Variants in HSD17B13 observed in about 807,000 individuals in gnomAD.
HSD17B13 encodes the protein hydroxysteroid 17-beta dehydrogenase 13.
HSD17B13 carries 26 observed loss-of-function variants against 31.1 expected under a neutral mutation model. That is an observed-to-expected ratio of 0.84 (90% CI 0.61 to 1.16). The LOEUF (loss-of-function observed/expected upper bound fraction) is 1.16, where lower values mean the gene tolerates loss of function less well. Among genes scored for constraint, HSD17B13 ranks in the 50% most tolerant of loss-of-function variants. HSD17B13 has a pLI of 0.00. For missense variants in HSD17B13, 374 were observed against 366.5 expected, an observed-to-expected ratio of 1.02 and a Z score of -0.17; for synonymous variants, 141 against 133.7, an observed-to-expected ratio of 1.05 and a Z score of -0.38.
intron 1 of HSD17B13, 48 bp from the exon 2 acceptor site, chr4:87,318,484 T>C (rs752886673): frequency 1.1e-5 from 17 of 1,506,916 alleles, no homozygotes; most frequent in Admixed American, 8.4e-5. Context: ...GGAGAAGACA[T>C]TGGAGAAGAA....
In HSD17B13 at chr4:87,305,234, T is replaced by C; in HGVS notation, c.887A>G (p.Lys296Arg). The change falls in exon 7 of 7, where the codon AAA (lysine) becomes AGA (arginine). Residue 296 changes from lysine (K) to arginine (R), a missense_variant. By Grantham distance (26) the Lys-to-Arg change is conservative (BLOSUM62 2). Transcript: ENST00000328546. ...NIQFEAVVGH[K>R]IKMK ...CTTATTTATTCATTTCATTTTGATT[T>C]TGTGGCCAACCACTGCTTCAAATTG... is the stretch of plus-strand genomic sequence containing the variant. 1 of 1,606,178 alleles carries C rather than the reference T, an allele frequency of 6.2e-7. No homozygotes were observed. The highest frequency in any genetic ancestry group is 8.5e-7 in the Non-Finnish European group (1 of 1,176,024).
rs150294796 is a variant in HSD17B13 at position 87,305,247 on chromosome 4, C to T, written c.874G>A (p.Val292Met). ...NRMQNIQFEA[V>M]VGHKIKMK The stretch of plus-strand genomic sequence containing the variant: ...TTCATTTTGATTTTGTGGCCAACCA[C>T]TGCTTCAAATTGAATATTCTGCATA... The change falls in exon 7 of 7, where the codon GTG becomes ATG. Residue 292 changes from valine to methionine, a missense_variant. Physicochemically the swap from Val to Met is conservative, Grantham distance 21. Coordinates refer to ENST00000328546, the MANE Select transcript of HSD17B13 (RefSeq NM_178135.5). 1.6e-5 allele frequency: 26 copies of T among 1,608,798 alleles called. No individual in the cohort carries two copies. The highest frequency in any genetic ancestry group is 1.9e-5 in the Non-Finnish European group (22 of 1,178,412).
chr4:87,321,348 C>A lies in HSD17B13; in HGVS notation c.210+1284G>T, dbSNP rs536716443. Among the ~76,000 whole-genome samples, 6 of 152,108 alleles carry A rather than the reference C, an allele frequency of 3.9e-5. No homozygotes were observed. In the East Asian group the frequency reaches 7.7e-4, roughly 20 times the overall value. ...ACCCGCCCTTAAGTCATTTTTAATA[C>A]GACTTCCTTCTAATTTACTTTTCTC... On this transcript the variant is annotated intron_variant, in intron 1 of 6. Coordinates refer to ENST00000328546, the MANE Select transcript of HSD17B13 (RefSeq NM_178135.5).
At chr4:87,312,654 C>T (rs1243737103) in intron 5 of HSD17B13, among the ~76,000 whole-genome samples, 6 of 150,974 alleles carry the variant, frequency 4.0e-5, no homozygotes, top group East Asian at 2.0e-4. Context: ...CTCAGCCTCC[C>T]GCGCAGCTGG....
intron 1 of HSD17B13, among the ~76,000 whole-genome samples, chr4:87,320,622 C>T (rs969463887): frequency 3.1e-4 from 47 of 152,058 alleles, no homozygotes; most frequent in Non-Finnish European, 1.3e-4. Flanking sequence ...CTCCTGACCT[C>T]GTGATCCGCC....
rs769003067 is a variant in HSD17B13 at position 87,315,553 on chromosome 4, TG to T, written c.496del (p.His166ThrfsTer34). On this transcript the variant is annotated frameshift_variant, in exon 4 of 7. Coordinates refer to ENST00000328546, the MANE Select transcript of HSD17B13 (RefSeq NM_178135.5). LOFTEE classifies it high-confidence loss of function. ...GCACACTGAAGCCACTGTGACGATG[TG>T]GCCATGATTTCTCTCCATCATCGAT... Reference protein sequence around the residue: ...LPSMMERNHGHIVTVASVCGH... With the variant: ...LPSMMERNHGXIVTVASVCGH... 7 of 1,611,622 alleles carry T rather than the reference TG, an allele frequency of 4.3e-6. No individual in the cohort carries two copies. In the South Asian group the frequency reaches 7.7e-5, roughly 18 times the overall value.
intron 1 of HSD17B13, among the ~76,000 whole-genome samples, chr4:87,322,390 G>A (rs1291729899): frequency 4.6e-5 from 7 of 152,136 alleles, no homozygotes; most frequent in African/African-American, 9.7e-5. Context: ...TAGCAGCTTG[G>A]AAGGAGACTG....
chr4:87,318,527 C>T (rs1016159836), intron 1 of HSD17B13, 91 bp from the exon 2 acceptor site: 24 of 994,138 alleles, frequency 2.4e-5, no homozygotes, highest in African/African-American at 4.8e-5. Flanking sequence ...CGGCTAGGCG[C>T]GGTGGCTCAC....
intron 6 of HSD17B13, among the ~76,000 whole-genome samples, chr4:87,309,836 A>G (rs1315363971): frequency 6.6e-6 from 1 of 152,044 alleles, no homozygotes; most frequent in Non-Finnish European, 1.5e-5. Flanking sequence ...TTCCATGCCA[A>G]TTTTCACAAC....
Position 87,313,780 on chromosome 4 carries a change from T to A in HSD17B13, c.695+43A>T, listed in dbSNP as rs763222231. 1.9e-6 allele frequency: 3 copies of A among 1,550,890 alleles called. No homozygotes were observed. In the Admixed American group the frequency reaches 5.4e-5, roughly 28 times the overall value. Reference sequence around the variant, plus strand: ...CATTTCTCATTAGTTTTCATATCAATTTATCATACCACATACCCATTCTAA... The same window carrying A: ...CATTTCTCATTAGTTTTCATATCAAATTATCATACCACATACCCATTCTAA... On this transcript the variant is annotated intron_variant, in intron 5 of 6. Transcript: ENST00000328546.
chr4:87,319,399 A>G (rs2110104239), intron 1 of HSD17B13, among the ~76,000 whole-genome samples: 1 of 152,332 alleles, frequency 6.6e-6, no homozygotes, highest in Middle Eastern at 3.4e-3. Flanking sequence ...CTACTTTCAA[A>G]CCTTGAAGAA....
At chr4:87,309,251 G>C (rs1241164906) in intron 6 of HSD17B13, among the ~76,000 whole-genome samples, 2 of 151,732 alleles carry the variant, frequency 1.3e-5, no homozygotes, top group South Asian at 4.2e-4. Flanking sequence ...GGGCGAGGGG[G>C]CAGGTGCCTG....
chr4:87,322,704 A>G lies in HSD17B13; in HGVS notation c.138T>C (p.His46=). The G allele has an allele frequency of 6.2e-7, 1 of 1,614,162 alleles. No individual in the cohort carries two copies. Among genetic ancestry groups the G allele is most frequent in the Non-Finnish European group, 8.5e-7 (1 of 1,180,020 alleles). Residue 46 remains histidine, a synonymous_variant, in exon 1 of 7, where the codon CAT becomes CAC. Coordinates refer to ENST00000328546, the MANE Select transcript of HSD17B13 (RefSeq NM_178135.5). Reference sequence around the variant, plus strand: ...CATAAGTAGTCTGCCTGCCTATTCCATGCCCAGCTCCAGTAATGAGAACAA... The same window carrying G: ...CATAAGTAGTCTGCCTGCCTATTCCGTGCCCAGCTCCAGTAATGAGAACAA... ...GEIVLITGAG[H]GIGRQTTYEF...
At position 87,315,611 on chromosome 4, in the gene HSD17B13, T is replaced by C. The variant is rs1393235288; in HGVS notation, c.451-12A>G. The C allele has an allele frequency of 3.9e-6, 6 of 1,524,540 alleles. No individual in the cohort carries two copies. In the South Asian group the frequency reaches 5.8e-5, roughly 15 times the overall value. 94.4% of individuals were successfully genotyped at this position (1,524,540 alleles called of 1,614,324 possible). On this transcript the variant is annotated splice_polypyrimidine_tract_variant and intron_variant, in intron 3 of 6. Coordinates refer to ENST00000328546, the MANE Select transcript of HSD17B13 (RefSeq NM_178135.5). Reference sequence around the variant, plus strand: ...AGTGCTTTTGTGATCTTAAGGATCATTGCAGAAAGAAGAAAGACAATGACA... The same window carrying C: ...AGTGCTTTTGTGATCTTAAGGATCACTGCAGAAAGAAGAAAGACAATGACA...
At position 87,318,405 on chromosome 4, in the gene HSD17B13, C is replaced by T. The variant is rs762681512; in HGVS notation, c.242G>A (p.Arg81Gln). Reference sequence around the variant, plus strand: ...CGCATGCGCAGTGACGCCTAGTTTTCGGCACTCAGCTGCAGTTTCCTCCAC... The same window carrying T: ...CGCATGCGCAGTGACGCCTAGTTTTTGGCACTCAGCTGCAGTTTCCTCCAC... Reference protein sequence around the residue: ...RGVEETAAECRKLGVTAHAYV... With the variant: ...RGVEETAAECQKLGVTAHAYV... The change falls in exon 2 of 7, where the codon CGA (arginine) becomes CAA (glutamine). Residue 81 changes from arginine (R) to glutamine (Q), a missense_variant. Physicochemically the swap from Arg to Gln is conservative, Grantham distance 43. Transcript: ENST00000328546. 1 of 1,614,104 alleles carries T rather than the reference C, an allele frequency of 6.2e-7. No individual in the cohort carries two copies. Among genetic ancestry groups the T allele is most frequent in the South Asian group, 1.1e-5 (1 of 91,084 alleles).
In HSD17B13 at chr4:87,303,854, CATATTT is replaced by C. The variant is rs1489191532; in HGVS notation, c.*1358_*1363del. 3 of 126,002 alleles carry C rather than the reference CATATTT, an allele frequency of 2.4e-5. No individual in the cohort carries two copies. Among genetic ancestry groups the C allele is most frequent in the South Asian group, 5.2e-4 (2 of 3,848 alleles). 7.8% of individuals were successfully genotyped at this position (126,002 alleles called of 1,614,324 possible). The stretch of plus-strand genomic sequence containing the variant: ...AGGTTATTTTTTTAAAGCACAATGA[CATATTT>C]ATTTTTAGTGAATTGTTTTTGTGAC... On this transcript the variant is annotated 3_prime_UTR_variant, in exon 7 of 7. Transcript: ENST00000328546.
chr4:87,319,764 A>G (rs1734739194), intron 1 of HSD17B13, among the ~76,000 whole-genome samples: 1 of 152,236 alleles, frequency 6.6e-6, no homozygotes, highest in Non-Finnish European at 1.5e-5. Context: ...TCATTTATGT[A>G]CCAAACTTGC....
chr4:87,320,336 C>A (rs1560751343), intron 1 of HSD17B13, among the ~76,000 whole-genome samples: 2 of 151,310 alleles, frequency 1.3e-5, no homozygotes, highest in African/African-American at 4.9e-5. Context: ...CATAAGTTAC[C>A]AGAGCATTCA....
chr4:87,307,046 TG>T (rs759397532), intron 6 of HSD17B13, among the ~76,000 whole-genome samples: 7 of 152,060 alleles, frequency 4.6e-5, no homozygotes, highest in Middle Eastern at 3.4e-3. Context: ...TTCCTTGTTT[TG>T]GGGGTAGGTG....
Sources: gnomAD v4.1 joint callset for allele counts (sites outside exome capture counted in the v4.1 genomes callset) on GRCh38, gnomAD v4.1.1 for gene constraint, MANE v1.5 for transcripts, NCBI Gene and HGNC (gene_info 2026-07-23, HGNC 2026-07-21) for gene names.